The following CNTNAP2 variants were observed in gnomAD, a reference collection of about 807,000 sequenced individuals.
CNTNAP2 encodes the protein contactin associated protein 2, also known as contactin-associated protein-like 2.
Under a neutral mutation model 155.2 loss-of-function variants are expected in CNTNAP2, and 98 were observed. The ratio of observed to expected loss-of-function variants is 0.63; its 90% CI spans 0.54 to 0.75. The LOEUF (loss-of-function observed/expected upper bound fraction) is 0.75. Ranked by LOEUF, CNTNAP2 falls within the 30% of genes least tolerant of loss-of-function variation. CNTNAP2 has a pLI of 0.00. For synonymous variants in CNTNAP2, 651 were observed against 631.2 expected, an observed-to-expected ratio of 1.03 and a Z score of -0.47; for missense variants, 1,727 against 1,688.1, an observed-to-expected ratio of 1.02 and a Z score of -0.40.
At chr7:146,245,663 G>A (rs924139019) in intron 1 of CNTNAP2, among the ~76,000 whole-genome samples, 13 of 152,110 alleles carry the variant, frequency 8.5e-5, no homozygotes, top group Non-Finnish European at 1.5e-5. Context: ...GAAAGCACGT[G>A]TGTTTTTATG....
chr7:147,120,665 G>A (rs1301099857), intron 5 of CNTNAP2, among the ~76,000 whole-genome samples: 1 of 149,782 alleles, frequency 6.7e-6, no homozygotes, highest in East Asian at 2.0e-4. Flanking sequence ...AAGTTTTAGG[G>A]TACATGTGCA....
chr7:147,601,290 T>C (rs888350540), intron 12 of CNTNAP2, among the ~76,000 whole-genome samples: 48 of 151,888 alleles, frequency 3.2e-4, no homozygotes, highest in Non-Finnish European at 5.4e-4. Flanking sequence ...GGGCTGAGTC[T>C]GAAAAGAGCC....
At chr7:148,279,792 G>A (rs6977567) in intron 21 of CNTNAP2, among the ~76,000 whole-genome samples, 9,430 of 152,242 alleles carry the variant, frequency 0.062, 474 homozygotes, top group African/African-American at 0.14. Flanking sequence ...ACGCAATGAT[G>A]AAGAAGAACA....
intron 12 of CNTNAP2, 34 bp downstream of exon 12, chr7:147,562,291 C>T (rs765196255): frequency 1.1e-5 from 18 of 1,612,226 alleles, no homozygotes; most frequent in Non-Finnish European, 1.4e-5. Flanking sequence ...TATGAAGATG[C>T]TTTTCTATAT....
At chr7:146,949,147 G>A (rs1229499647) in intron 3 of CNTNAP2, among the ~76,000 whole-genome samples, 1 of 152,106 alleles carries the variant, frequency 6.6e-6, no homozygotes, top group Non-Finnish European at 1.5e-5. Flanking sequence ...TGCATATCAG[G>A]ATACATAGAA....
intron 1 of CNTNAP2, among the ~76,000 whole-genome samples, chr7:146,295,158 A>G (rs1563025438): frequency 1.3e-5 from 2 of 152,192 alleles, no homozygotes; most frequent in African/African-American, 4.8e-5. Context: ...CCAACTATGG[A>G]ACGTGTACTA....
At chr7:147,634,545 T>TCTCAG (rs1465078351) in intron 12 of CNTNAP2, among the ~76,000 whole-genome samples, 7 of 151,974 alleles carry the variant, frequency 4.6e-5, no homozygotes, top group Non-Finnish European at 1.0e-4. Flanking sequence ...AAATCACCAC[T>TCTCAG]AAAGAACTTT....
intron 1 of CNTNAP2, among the ~76,000 whole-genome samples, chr7:146,182,086 G>A (rs1053030638): frequency 1.7e-4 from 26 of 152,052 alleles, no homozygotes; most frequent in African/African-American, 6.0e-4. Context: ...CAGAAATAAT[G>A]TAGAAACAAT....
At position 146,508,839 on chromosome 7, in the gene CNTNAP2, C is replaced by T. The variant is rs542388479; in HGVS notation, c.98-265432C>T. On this transcript the variant is annotated intron_variant, in intron 1 of 23. Transcript: ENST00000361727. The stretch of plus-strand genomic sequence containing the variant: ...ATTGGGTTGCCTCTCAGTTTTCTCT[C>T]GGTCAACCCCAGCCAAAATCAAACC... Among the ~76,000 whole-genome samples the T allele has an allele frequency of 6.2e-4, 95 of 152,268 alleles. 1 individual carries two copies. Among genetic ancestry groups the T allele is most frequent in the African/African-American group, 2.1e-3 (89 of 41,572 alleles).
intron 13 of CNTNAP2, among the ~76,000 whole-genome samples, chr7:147,872,727 C>G (rs1008241175): frequency 6.6e-6 from 1 of 152,186 alleles, no homozygotes; most frequent in Non-Finnish European, 1.5e-5. Flanking sequence ...CCAACAAACA[C>G]CCTTTTTTGG....
chr7:146,924,062 G>A (rs1381257717), intron 3 of CNTNAP2, among the ~76,000 whole-genome samples: 2 of 151,920 alleles, frequency 1.3e-5, no homozygotes, highest in East Asian at 3.9e-4. Flanking sequence ...GCGGTTCTTG[G>A]AATAAATTAT....
At chr7:148,299,405 G>A (rs1407746177) in intron 21 of CNTNAP2, among the ~76,000 whole-genome samples, 2 of 152,220 alleles carry the variant, frequency 1.3e-5, no homozygotes, top group Admixed American at 6.5e-5. Flanking sequence ...AGGGCATTTC[G>A]CCTGGACCAG....
chr7:146,571,734 C>CTTT (rs376437154), intron 1 of CNTNAP2, among the ~76,000 whole-genome samples: 6 of 137,688 alleles, frequency 4.4e-5, no homozygotes, highest in African/African-American at 1.6e-4. Context: ...TCTTTTCTTT[C>CTTT]TTTTTTTTTT....
chr7:146,664,157 CTTTTTTTTTTTT>C (rs35241151), intron 1 of CNTNAP2, among the ~76,000 whole-genome samples: 5 of 68,454 alleles, frequency 7.3e-5, no homozygotes, highest in Non-Finnish European at 1.1e-4. Context: ...CAATAAATTC[CTTTTTTTTTTTT>C]TTTTTTTTTT....
intron 2 of CNTNAP2, among the ~76,000 whole-genome samples, chr7:146,818,568 A>G (rs1178588228): frequency 6.6e-6 from 1 of 151,938 alleles, no homozygotes; most frequent in African/African-American, 2.4e-5. Context: ...GCGGAATCGG[A>G]CTCATCAGAA....
intron 4 of CNTNAP2, chr7:147,081,805 T>C (rs1352138127): frequency 6.6e-6 from 1 of 152,170 alleles, no homozygotes; most frequent in African/African-American, 2.4e-5. Flanking sequence ...AAAACAGGAA[T>C]GTCACTTTCA....
intron 1 of CNTNAP2, among the ~76,000 whole-genome samples, chr7:146,321,641 G>A (rs1219324018): frequency 2.0e-5 from 3 of 152,144 alleles, no homozygotes; most frequent in Admixed American, 6.6e-5. Context: ...TAACCTCAGT[G>A]TGATTTTGCT....
rs188354363 is a variant in CNTNAP2 at position 147,496,773 on chromosome 7, T to C, written c.1777+10732T>C. 3.3e-4 allele frequency: 50 copies of C among 150,290 alleles called. 1 individual carries two copies. Among genetic ancestry groups the C allele is most frequent in the African/African-American group, 1.2e-3 (48 of 41,020 alleles). The allele number at this position is 150,290 out of a possible 1,614,324, so 9.3% of individuals were successfully genotyped here. A position where few individuals can be genotyped will look rare whatever the true frequency, so the allele number is the denominator to read the frequency against. On this transcript the variant is annotated intron_variant, in intron 11 of 23. Coordinates refer to ENST00000361727, the MANE Select transcript of CNTNAP2 (RefSeq NM_014141.6). ...GGAAGAAATTCTGAAAGTTGAATTA[T>C]TGGTTCCCGTATTTTTTATTTTTTA...
chr7:148,019,620 C>A (rs1204865396), intron 15 of CNTNAP2, among the ~76,000 whole-genome samples: 2 of 152,010 alleles, frequency 1.3e-5, no homozygotes, highest in Non-Finnish European at 2.9e-5. Context: ...CCATACCTGG[C>A]TATTTTTTAT....
Sources: allele counts gnomAD v4.1 joint callset (sites outside exome capture counted in the v4.1 genomes callset), GRCh38; gene constraint gnomAD v4.1.1; transcripts MANE v1.5; gene names NCBI Gene and HGNC (gene_info 2026-07-23, HGNC 2026-07-21).